The following NBPF9 variants were observed in gnomAD, a reference collection of about 807,000 sequenced individuals.
NBPF9 encodes NBPF family member NBPF9.
A neutral mutation model predicts 97.8 loss-of-function variants in NBPF9; 91 were observed. The observed-to-expected ratio is 0.93, with a 90% CI of 0.79 to 1.11. NBPF9 has a LOEUF of 1.11. Ranked by LOEUF, NBPF9 falls within the 50% of genes least tolerant of loss-of-function variation. The pLI is 0.00. For missense variants in NBPF9, 992 were observed against 939.5 expected (o/e 1.06, Z -0.73); for synonymous variants, 334 against 359.5 (o/e 0.93, Z 0.80).
intron 29 of NBPF9, among the ~76,000 whole-genome samples, chr1:149,056,219 G>T (rs1278390052): frequency 5.4e-5 from 8 of 147,492 alleles, no homozygotes; most frequent in African/African-American, 2.0e-4. Context: ...AGCAAACTGT[G>T]ATCATGAAAA....
At chr1:149,072,414 T>C (rs1347792735) in intron 14 of NBPF9, among the ~76,000 whole-genome samples, 3 of 151,704 alleles carry the variant, frequency 2.0e-5, no homozygotes, top group Non-Finnish European at 4.4e-5. Flanking sequence ...TCCAGAGCTC[T>C]TTTCACTCTA....
At chr1:149,057,794 C>G (rs1347848201) in intron 27 of NBPF9, among the ~76,000 whole-genome samples, 143 of 94,784 alleles carry the variant, frequency 1.5e-3, no homozygotes, top group East Asian at 6.0e-3. Flanking sequence ...AGTGAATTGT[C>G]CAGGTGACAC....
chr1:149,098,305 A>C, intron 4 of NBPF9, 133 bp downstream of exon 4: 2 of 333,046 alleles, frequency 6.0e-6, no homozygotes, highest in Non-Finnish European at 9.1e-6. Flanking sequence ...ACAAATATTA[A>C]TTCAGTATCT....
In NBPF9 at chr1:149,072,689, T is replaced by G. The variant is rs587716802; in HGVS notation, c.1306+29A>C. 553 of 1,611,242 alleles carry G rather than the reference T, an allele frequency of 3.4e-4. 1 individual carries two copies. The highest frequency in any genetic ancestry group is 4.5e-4 in the Admixed American group (27 of 60,008). Reference sequence around the variant, plus strand: ...GGAGCCTCTCATAAGCCTGGGGTTTTGGGTCAACAGGGCCTATGGCCACCT... The same window carrying G: ...GGAGCCTCTCATAAGCCTGGGGTTTGGGGTCAACAGGGCCTATGGCCACCT... On this transcript the variant is annotated intron_variant, in intron 14 of 29. Transcript: ENST00000584027.
In NBPF9 at chr1:149,081,964, C is replaced by G. The variant is rs1316135798; in HGVS notation, c.175+1G>C. 1 of 1,572,508 alleles carries G rather than the reference C, an allele frequency of 6.4e-7. No individual in the cohort carries two copies. The highest frequency in any genetic ancestry group is 8.7e-7 in the Non-Finnish European group (1 of 1,151,896). Reference sequence around the variant, plus strand: ...CATGACGGTGAGCCTATAGATCTTACTGTATTTCTTCTGTCGGTTGGCCAG... The same window carrying G: ...CATGACGGTGAGCCTATAGATCTTAGTGTATTTCTTCTGTCGGTTGGCCAG... On this transcript the variant is annotated splice_donor_variant, in intron 7 of 29. Transcript: ENST00000584027. LOFTEE classifies it high-confidence loss of function.
intron 7 of NBPF9, among the ~76,000 whole-genome samples, chr1:149,080,868 A>G (rs1175235294): frequency 2.0e-5 from 3 of 151,192 alleles, no homozygotes; most frequent in Non-Finnish European, 4.4e-5. Flanking sequence ...TCATTGCAGC[A>G]ATTTACAGAG....
chr1:149,100,953 C>T (rs1176260632), intron 3 of NBPF9, among the ~76,000 whole-genome samples: 3 of 151,080 alleles, frequency 2.0e-5, no homozygotes, highest in African/African-American at 7.3e-5. Context: ...AAAAGAAATG[C>T]AAAAACTAAA....
rs587758498 is a variant in NBPF9 at position 149,062,899 on chromosome 1, G to T, written c.2041C>A (p.Gln681Lys). 1.0e-4 allele frequency: 83 copies of T among 803,402 alleles called. 1 individual carries two copies. The East Asian group carries it at 1.4e-3, about 14-fold the overall frequency. 49.8% of individuals were successfully genotyped at this position (803,402 alleles called of 1,614,324 possible). Reference sequence around the variant, plus strand: ...GGGTCTTGGTCTTCTTCCACTTCTTGGTACTTTTCAATTTCTGCAATAAGT... The same window carrying T: ...GGGTCTTGGTCTTCTTCCACTTCTTTGTACTTTTCAATTTCTGCAATAAGT... The change falls in exon 21 of 30, where the codon CAA becomes AAA. Residue 681 changes from glutamine (Q) to lysine (K), a missense_variant. Gln to Lys is a moderately conservative substitution (Grantham distance 53, BLOSUM62 1). Around this residue, in one of 11 missense-constraint regions of NBPF9, gnomAD observed 397 missense variants for 213.6 expected, o/e 1.86. Coordinates refer to ENST00000584027, the Ensembl canonical transcript of NBPF9.
At chr1:149,060,295 A>C in intron 24 of NBPF9, 1 of 374,176 alleles carries the variant, frequency 2.7e-6, no homozygotes, top group Non-Finnish European at 5.0e-6. Flanking sequence ...GGATAGGATC[A>C]GGGCGCCACA....
Position 149,055,952 on chromosome 1 carries a change from G to A in NBPF9, c.3093-53C>T, listed in dbSNP as rs1307983194. On this transcript the variant is annotated intron_variant, in intron 29 of 29. Coordinates refer to ENST00000584027, the Ensembl canonical transcript of NBPF9. The stretch of plus-strand genomic sequence containing the variant: ...CAGCCAGGGAAAATCAGACACCACA[G>A]AGCCCCACTAGATTTCAGAAGTAAC... 190 of 1,611,698 alleles carry A rather than the reference G, an allele frequency of 1.2e-4. 1 individual carries two copies. Among genetic ancestry groups the A allele is most frequent in the Admixed American group, 9.7e-4 (58 of 59,974 alleles).
At position 149,074,809 on chromosome 1, in the gene NBPF9, C is replaced by T. The variant is rs1344924634; in HGVS notation, c.988+846G>A. On this transcript the variant is annotated intron_variant, in intron 12 of 29. Transcript: ENST00000584027. Reference sequence around the variant, plus strand: ...TTTTATTCTTATTTTTATTTATCATCATTATTATTATTATTATTATTTTTA... The same window carrying T: ...TTTTATTCTTATTTTTATTTATCATTATTATTATTATTATTATTATTTTTA... Among the ~76,000 whole-genome samples, 195 of 149,668 alleles carry T rather than the reference C, an allele frequency of 1.3e-3. 5 individuals carry two copies. The East Asian group carries it at 0.027, about 20-fold the overall frequency.
intron 17 of NBPF9, among the ~76,000 whole-genome samples, chr1:149,067,284 A>G (rs1458133724): frequency 8.5e-6 from 1 of 117,614 alleles, no homozygotes; most frequent in Non-Finnish European, 1.8e-5. Flanking sequence ...GTTTTCCTTT[A>G]TTATTTTTTG....
chr1:149,070,814 C>A, intron 16 of NBPF9, 120 bp downstream of exon 16: 2 of 1,477,122 alleles, frequency 1.4e-6, no homozygotes, highest in South Asian at 1.2e-5. Context: ...TCCCTGATAT[C>A]TGTTTAGAAA....
chr1:149,069,677 T>C, intron 16 of NBPF9, 32 bp from the exon 17 acceptor site: 1 of 779,278 alleles, frequency 1.3e-6, no homozygotes, highest in Non-Finnish European at 2.3e-6. Context: ...CAGGTCACAT[T>C]AAGCAATTCA....
Position 149,072,712 on chromosome 1 carries a change from C to T in NBPF9, c.1306+6G>A, listed in dbSNP as rs782141684. ...TTTGGGTCAACAGGGCCTATGGCCACCTTACCTGGGCTGAGCTTTTGGACA... is the reference window on the plus strand; with the variant it reads ...TTTGGGTCAACAGGGCCTATGGCCATCTTACCTGGGCTGAGCTTTTGGACA... On this transcript the variant is annotated splice_donor_region_variant and intron_variant, in intron 14 of 29. Coordinates refer to ENST00000584027, the Ensembl canonical transcript of NBPF9. 19 of 1,611,654 alleles carry T rather than the reference C, an allele frequency of 1.2e-5. No homozygotes were observed. The highest frequency in any genetic ancestry group is 1.6e-5 in the Non-Finnish European group (19 of 1,179,708).
In NBPF9 at chr1:149,080,036, C is replaced by A. The variant is rs1181125387; in HGVS notation, c.278+17G>T. 1.2e-5 allele frequency: 19 copies of A among 1,582,374 alleles called. No homozygotes were observed. Among genetic ancestry groups the A allele is most frequent in the Non-Finnish European group, 1.5e-5 (17 of 1,157,486 alleles). On this transcript the variant is annotated intron_variant, in intron 8 of 29. Coordinates refer to ENST00000584027, the Ensembl canonical transcript of NBPF9. Reference sequence around the variant, plus strand: ...TACACACCTACCCGCCTGCCTCCCCCCACGGGGTCCCCTCACCTGAGCTCC... The same window carrying A: ...TACACACCTACCCGCCTGCCTCCCCACACGGGGTCCCCTCACCTGAGCTCC...
exon 4 of NBPF9, chr1:149,098,575 G>C (rs2081942331): frequency 9.0e-6 from 13 of 1,440,738 alleles, no homozygotes; most frequent in Non-Finnish European, 1.2e-5. Flanking sequence ...GGCACCCCCA[G>C]CATGGAGGCC....
At chr1:149,068,365 C>T (rs587633136) in intron 17 of NBPF9, among the ~76,000 whole-genome samples, 1,619 of 151,284 alleles carry the variant, frequency 0.011, 53 homozygotes, top group African/African-American at 0.038. Context: ...CATCAGTGTG[C>T]TGTATTCAGG....
chr1:149,099,924 G>A (rs1313327260), intron 3 of NBPF9, among the ~76,000 whole-genome samples: 17 of 148,992 alleles, frequency 1.1e-4, no homozygotes, highest in Admixed American at 6.0e-4. Context: ...CAAGGCTGCA[G>A]AGACCCATGA....
Sources: gnomAD v4.1 joint callset for allele counts (sites outside exome capture counted in the v4.1 genomes callset) on GRCh38, gnomAD v4.1.1 for gene constraint, gnomAD v4.1.1 regional missense constraint, MANE v1.5 for transcripts, NCBI Gene and HGNC (gene_info 2026-07-23, HGNC 2026-07-21) for gene names.